Variants in DYNC1H1 observed in about 807,000 individuals in gnomAD.
DYNC1H1 encodes dynein cytoplasmic 1 heavy chain 1, also known as cytoplasmic dynein 1 heavy chain 1.
DYNC1H1 carries 51 observed loss-of-function variants against 527.1 expected under a neutral mutation model. That is an observed-to-expected ratio of 0.10 (90% CI 0.08 to 0.12). The LOEUF is 0.12. DYNC1H1 is among the 10% of genes least tolerant of loss of function. The probability of loss-of-function intolerance (pLI) is 1.00; values close to 1 mark genes in which losing one functional copy is unlikely to be tolerated. For missense variants in DYNC1H1, 2,771 were observed against 5,971.8 expected (o/e 0.46, Z 17.66); for synonymous variants, 2,189 against 2,278.8 (o/e 0.96, Z 1.12).
chr14:102,012,607 G>C lies in DYNC1H1; in HGVS notation c.7014+137G>C. 1 of 1,247,046 alleles carries C rather than the reference G, an allele frequency of 8.0e-7. No individual in the cohort carries two copies. The allele number at this position is 1,247,046 out of a possible 1,614,324, so 77.2% of individuals were successfully genotyped here. On this transcript the variant is annotated intron_variant, in intron 34 of 77. Transcript: ENST00000360184. This position sits in a 1 kb window ranked among gnomAD's most constrained non-coding sequence, Gnocchi z 4.9. ...GATCATTGTGTAAGTAATTTTCAAA[G>C]ATAGCATCTCAACTGCTAGATTTTT...
At chr14:101,976,533 ACT>A (rs2047803177) in intron 2 of DYNC1H1, among the ~76,000 whole-genome samples, 1 of 151,822 alleles carries the variant, frequency 6.6e-6, no homozygotes, top group South Asian at 2.1e-4. Flanking sequence ...CAAGAGCGAA[ACT>A]CTGTCTCAAA....
In DYNC1H1 at chr14:102,055,585, C is replaced by G. The variant is rs1349290002; in HGVS notation, c.*5022C>G. On this transcript the variant is annotated 3_prime_UTR_variant, in exon 78 of 78. Coordinates refer to ENST00000360184, the MANE Select transcript of DYNC1H1 (RefSeq NM_001376.5). Reference sequence around the variant, plus strand: ...CTCGACCTGGCCAAGGCTCCACGCACCGCCCTGGTTTCCCGCTCTGCCCAG... The same window carrying G: ...CTCGACCTGGCCAAGGCTCCACGCAGCGCCCTGGTTTCCCGCTCTGCCCAG... 6.5e-6 allele frequency: 1 copy of G among 153,194 alleles called. No homozygotes were observed. Among genetic ancestry groups the G allele is most frequent in the Non-Finnish European group, 1.5e-5 (1 of 68,720 alleles). The allele number at this position is 153,194 out of a possible 1,614,324, so 9.5% of individuals were successfully genotyped here.
chr14:101,981,156 C>T (rs1056224087), intron 5 of DYNC1H1, among the ~76,000 whole-genome samples: 1 of 152,042 alleles, frequency 6.6e-6, no homozygotes, highest in African/African-American at 2.4e-5. Flanking sequence ...TGGGATCTCA[C>T]TTTGTTTCCC....
intron 74 of DYNC1H1, 120 bp downstream of exon 74, chr14:102,048,789 G>A: frequency 1.1e-6 from 1 of 914,362 alleles, no homozygotes; most frequent in Admixed American, 2.5e-5. Context: ...GCTTCCGAGA[G>A]CAGCTCTGTG....
intron 4 of DYNC1H1, 79 bp from the exon 5 acceptor site, chr14:101,980,285 A>G (rs1208670651): frequency 8.6e-6 from 13 of 1,519,938 alleles, no homozygotes; most frequent in Non-Finnish European, 1.2e-5. Context: ...TTGAGTTGTA[A>G]TGCATGTGTT....
intron 23 of DYNC1H1, among the ~76,000 whole-genome samples, chr14:102,003,900 GGGGTGACA>G (rs1455314242): frequency 4.1e-5 from 6 of 147,086 alleles, no homozygotes; most frequent in South Asian, 2.2e-4. Context: ...CACTCCAGCT[GGGGTGACA>G]GAGCAAGACT....
At chr14:101,981,428 T>C (rs2047862720) in intron 5 of DYNC1H1, among the ~76,000 whole-genome samples, 1 of 152,230 alleles carries the variant, frequency 6.6e-6, no homozygotes, top group African/African-American at 2.4e-5. Flanking sequence ...CAGTCATTAT[T>C]ACAATTATTT....
rs774418749 is a variant in DYNC1H1, at chr14:102,015,896, C to T, written c.7283C>T (p.Thr2428Met). The T allele has an allele frequency of 8.1e-6, 13 of 1,614,122 alleles. No homozygotes were observed. The Admixed American group carries it at 8.3e-5, about 10-fold the overall frequency. Reference sequence around the variant, plus strand: ...GCTACGATCATGCAACCGTACTTCACGTCCAACGGCCTGGTCACCAAGGCG... The same window carrying T: ...GCTACGATCATGCAACCGTACTTCATGTCCAACGGCCTGGTCACCAAGGCG... ...DAATIMQPYF[T>M]SNGLVTKALE... Residue 2428 changes from threonine to methionine, a missense_variant, in exon 36 of 78, where the codon ACG (threonine) becomes ATG (methionine). By Grantham distance (81) the Thr-to-Met change is moderately conservative. This residue lies in a region of DYNC1H1 where 122 missense variants were observed against 168.4 expected (regional missense o/e 0.72). Coordinates refer to ENST00000360184, the MANE Select transcript of DYNC1H1 (RefSeq NM_001376.5). This position sits in a 1 kb window ranked among gnomAD's most constrained non-coding sequence, Gnocchi z 6.9.
intron 28 of DYNC1H1, among the ~76,000 whole-genome samples, chr14:102,007,412 A>T (rs1429156952): frequency 6.6e-6 from 1 of 152,188 alleles, no homozygotes; most frequent in African/African-American, 2.4e-5. Flanking sequence ...CACATTATGG[A>T]AGAGGTTTAT....
chr14:102,029,706 C>G lies in DYNC1H1; in HGVS notation c.9636C>G (p.Val3212=), dbSNP rs2295445. 175 of 1,614,048 alleles carry G rather than the reference C, an allele frequency of 1.1e-4. No individual in the cohort carries two copies. The East Asian group carries it at 3.8e-3, about 35-fold the overall frequency. ...GGCTCAGGAAGATCAAAGAGACAGT[C>G]GACCAGGTGCGTCACAGGCACAAAT... ...NVGLRKIKET[V]DQVEELRRDL... The change falls in exon 49 of 78, where the codon GTC becomes GTG. Residue 3212 remains valine (V), a synonymous_variant. Coordinates refer to ENST00000360184, the MANE Select transcript of DYNC1H1 (RefSeq NM_001376.5). This position sits in a 1 kb window ranked among gnomAD's most constrained non-coding sequence, Gnocchi z 5.3.
chr14:102,032,718 T>C, intron 52 of DYNC1H1: 1 of 591,268 alleles, frequency 1.7e-6, no homozygotes, highest in South Asian at 1.9e-5. Context: ...CTGGGCGGGG[T>C]GGCATGCGCC....
At chr14:101,995,826 C>T (rs2048054620) in intron 15 of DYNC1H1, among the ~76,000 whole-genome samples, 2 of 151,964 alleles carry the variant, frequency 1.3e-5, no homozygotes, top group Non-Finnish European at 2.9e-5. Flanking sequence ...TTTGGGAGGC[C>T]AAGGTGGGCA....
At position 102,055,090 on chromosome 14, in the gene DYNC1H1, C is replaced by T. The variant is rs2048862024; in HGVS notation, c.*4527C>T. 1 of 152,208 alleles carries T rather than the reference C, an allele frequency of 6.6e-6. No homozygotes were observed. Among genetic ancestry groups the T allele is most frequent in the Admixed American group, 6.5e-5 (1 of 15,274 alleles). 9.4% of individuals were successfully genotyped at this position (152,208 alleles called of 1,614,324 possible). On this transcript the variant is annotated 3_prime_UTR_variant, in exon 78 of 78. Coordinates refer to ENST00000360184, the MANE Select transcript of DYNC1H1 (RefSeq NM_001376.5). ...TGGACTTTTCTTTCCTAGCCCAGGTCAAAGTGGGCCTTCGGGAGGACCCTG... is the reference window on the plus strand; with the variant it reads ...TGGACTTTTCTTTCCTAGCCCAGGTTAAAGTGGGCCTTCGGGAGGACCCTG...
rs2152601143 is a variant in DYNC1H1, at chr14:102,049,660, CAG to C, written c.13516-53_13516-52del. ...GTGGGAGTGGCTCTGGGGAAAAACA[CAG>C]GGCCCAGGTCTGACCTGAGCTCCTT... On this transcript the variant is annotated intron_variant, in intron 75 of 77. Coordinates refer to ENST00000360184, the MANE Select transcript of DYNC1H1 (RefSeq NM_001376.5). This position sits in a 1 kb window ranked among gnomAD's most constrained non-coding sequence, Gnocchi z 5.5. 17 of 1,613,550 alleles carry C rather than the reference CAG, an allele frequency of 1.1e-5. No homozygotes were observed. Among genetic ancestry groups the C allele is most frequent in the Non-Finnish European group, 1.4e-5 (17 of 1,180,004 alleles).
chr14:102,032,940 C>T lies in DYNC1H1; in HGVS notation c.10080-125C>T, dbSNP rs756432530. ...GAACCAAGGGTCAGTCTAGCTCATC[C>T]CCAGTGGTCAGTCACTGGGGCAATG... On this transcript the variant is annotated intron_variant, in intron 52 of 77. Coordinates refer to ENST00000360184, the MANE Select transcript of DYNC1H1 (RefSeq NM_001376.5). The T allele has an allele frequency of 2.0e-5, 19 of 959,236 alleles. No individual in the cohort carries two copies. The Admixed American group carries it at 3.5e-4, about 18-fold the overall frequency. 59.4% of individuals were successfully genotyped at this position (959,236 alleles called of 1,614,324 possible).
chr14:101,999,696 G>A (rs2048108314), intron 16 of DYNC1H1, among the ~76,000 whole-genome samples: 1 of 152,184 alleles, frequency 6.6e-6, no homozygotes, highest in Admixed American at 6.5e-5. Flanking sequence ...ACTTGAGGCC[G>A]AGTCTGTGCT....
chr14:102,041,295 G>A lies in DYNC1H1; in HGVS notation c.11942-279G>A, dbSNP rs112047453. Reference sequence around the variant, plus strand: ...GAGCCCCCTTCCTGAGTACCTTCAGGTGTTCTCAGGAAGTGAGCAGGTATT... The same window carrying A: ...GAGCCCCCTTCCTGAGTACCTTCAGATGTTCTCAGGAAGTGAGCAGGTATT... On this transcript the variant is annotated intron_variant, in intron 64 of 77. Coordinates refer to ENST00000360184, the MANE Select transcript of DYNC1H1 (RefSeq NM_001376.5). This position sits in a 1 kb window ranked among gnomAD's most constrained non-coding sequence, Gnocchi z 4.5. 4.4e-5 allele frequency: 21 copies of A among 481,630 alleles called. No homozygotes were observed. The highest frequency in any genetic ancestry group is 3.9e-4 in the African/African-American group (20 of 50,930). 29.8% of individuals were successfully genotyped at this position (481,630 alleles called of 1,614,324 possible). A position where few individuals can be genotyped will look rare whatever the true frequency, so the allele number is the denominator to read the frequency against.
Position 101,986,868 on chromosome 14 carries a change from T to G in DYNC1H1, c.2538+105T>G. 7.5e-7 allele frequency: 1 copy of G among 1,332,892 alleles called. No homozygotes were observed. Among genetic ancestry groups the G allele is most frequent in the Non-Finnish European group, 1.1e-6 (1 of 930,966 alleles). The allele number at this position is 1,332,892 out of a possible 1,614,324, so 82.6% of individuals were successfully genotyped here. A position where few individuals can be genotyped will look rare whatever the true frequency, so the allele number is the denominator to read the frequency against. The stretch of plus-strand genomic sequence containing the variant: ...TCCCGAAGAAGGCATGCATGGTTGA[T>G]GCAGCATACGGCCATGTGAGCTGCA... On this transcript the variant is annotated intron_variant, in intron 8 of 77. Transcript: ENST00000360184. This position sits in a 1 kb window ranked among gnomAD's most constrained non-coding sequence, Gnocchi z 8.7.
Position 102,049,114 on chromosome 14 carries a change from C to T in DYNC1H1, c.13373-326C>T. On this transcript the variant is annotated intron_variant, in intron 74 of 77. Transcript: ENST00000360184. The surrounding 1 kb of genome is among the most constrained non-coding windows in gnomAD (Gnocchi z 5.5). Reference sequence around the variant, plus strand: ...CTGTTTGCCCCAAAAGCCCTAATTGCCAGGAACACTGAGCCACTTGTGTGA... The same window carrying T: ...CTGTTTGCCCCAAAAGCCCTAATTGTCAGGAACACTGAGCCACTTGTGTGA... 1 of 448,080 alleles carries T rather than the reference C, an allele frequency of 2.2e-6. No individual in the cohort carries two copies. The highest frequency in any genetic ancestry group is 2.0e-5 in the African/African-American group (1 of 50,190). 27.8% of individuals were successfully genotyped at this position (448,080 alleles called of 1,614,324 possible).
Sources: gnomAD v4.1 joint callset for allele counts (sites outside exome capture counted in the v4.1 genomes callset) on GRCh38, gnomAD v4.1.1 for gene constraint, gnomAD v4.1.1 regional missense constraint, Gnocchi (gnomAD v3.1) non-coding constraint, MANE v1.5 for transcripts, NCBI Gene and HGNC (gene_info 2026-07-23, HGNC 2026-07-21) for gene names.